ANKS1B: variants seen among roughly 807,000 people sequenced by gnomAD.
ANKS1B encodes ankyrin repeat and sterile alpha motif domain containing 1B, also known as ankyrin repeat and sterile alpha motif domain-containing protein 1B.
Under a neutral mutation model 148.3 loss-of-function variants are expected in ANKS1B, and 36 were observed. The ratio of observed to expected loss-of-function variants is 0.24; its 90% confidence interval spans 0.19 to 0.32. The LOEUF is 0.32. ANKS1B is among the 10% of genes least tolerant of loss of function. ANKS1B has a pLI of 1.00. For missense variants in ANKS1B, 1,157 were observed against 1,542.6 expected, an observed-to-expected ratio of 0.75 and a Z score of 4.19; for synonymous variants, 542 against 560.8, an observed-to-expected ratio of 0.97 and a Z score of 0.47.
At chr12:98,772,538 A>C (rs534474608) in intron 25 of ANKS1B, among the ~76,000 whole-genome samples, 1 of 152,230 alleles carries the variant, frequency 6.6e-6, no homozygotes, top group African/African-American at 2.4e-5. Context: ...CATGTCTTAC[A>C]TGGCGGCAGG....
intron 17 of ANKS1B, among the ~76,000 whole-genome samples, chr12:98,922,976 G>C (rs1263581176): frequency 6.6e-6 from 1 of 152,100 alleles, no homozygotes; most frequent in Non-Finnish European, 1.5e-5. Flanking sequence ...GAGGTGCTGT[G>C]GTTTGGATGT....
chr12:99,422,778 G>A (rs1244879678), intron 11 of ANKS1B, among the ~76,000 whole-genome samples: 4 of 152,068 alleles, frequency 2.6e-5, no homozygotes, highest in African/African-American at 9.7e-5. Flanking sequence ...ATTGACTTGA[G>A]TACATTAAAA....
At chr12:98,752,340 C>A (rs1356065474) in intron 25 of ANKS1B, among the ~76,000 whole-genome samples, 1 of 151,918 alleles carries the variant, frequency 6.6e-6, no homozygotes, top group Non-Finnish European at 1.5e-5. Flanking sequence ...CTCACTGCAA[C>A]CTCCACCTCC....
chr12:99,861,848 T>C lies in ANKS1B; in HGVS notation c.135-36459A>G, dbSNP rs76000086. 1.2e-4 allele frequency among the ~76,000 whole-genome samples: 18 copies of C among 152,030 alleles called. No individual in the cohort carries two copies. The East Asian group carries it at 3.3e-3, about 28-fold the overall frequency. ...CCTATTATGTATTCCAAAGCTGTTA[T>C]ACGAAAGTGAATGTTCTTTTCAAAA... On this transcript the variant is annotated intron_variant, in intron 1 of 26. Transcript: ENST00000683438.
intron 12 of ANKS1B, among the ~76,000 whole-genome samples, chr12:99,368,746 GAT>G (rs1430373001): frequency 2.6e-5 from 4 of 152,096 alleles, no homozygotes; most frequent in African/African-American, 9.7e-5. Context: ...TGAAGAGAGT[GAT>G]AGAGAGACAC....
intron 10 of ANKS1B, among the ~76,000 whole-genome samples, chr12:99,458,723 A>C (rs536267229): frequency 6.6e-6 from 1 of 152,078 alleles, no homozygotes; most frequent in South Asian, 2.1e-4. Context: ...AGAAATAGAA[A>C]CTCTGAACAG....
chr12:98,777,048 C>T (rs1447428650), intron 24 of ANKS1B, among the ~76,000 whole-genome samples: 2 of 152,116 alleles, frequency 1.3e-5, no homozygotes, highest in Non-Finnish European at 2.9e-5. Flanking sequence ...AAATAATTAG[C>T]CAGGCTTGGT....
At chr12:99,835,889 T>A (rs867060254) in intron 1 of ANKS1B, among the ~76,000 whole-genome samples, 6 of 152,212 alleles carry the variant, frequency 3.9e-5, no homozygotes, top group African/African-American at 1.4e-4. Flanking sequence ...CGTTTACCTA[T>A]GTAACAAAAC....
intron 7 of ANKS1B, among the ~76,000 whole-genome samples, chr12:99,774,689 A>G (rs923441797): frequency 3.3e-5 from 5 of 152,178 alleles, no homozygotes; most frequent in Non-Finnish European, 7.4e-5. Flanking sequence ...CCTTCTGTTC[A>G]TTGCAACATT....
At chr12:99,241,905 A>C (rs1008411774) in intron 14 of ANKS1B, among the ~76,000 whole-genome samples, 1 of 152,218 alleles carries the variant, frequency 6.6e-6, no homozygotes, top group Non-Finnish European at 1.5e-5. Context: ...ATCTCAAAAT[A>C]ATAAGAGCTA....
rs559131808 is a variant in ANKS1B at position 99,280,961 on chromosome 12, G to A, written c.1757-34097C>T. 1.5e-4 allele frequency among the ~76,000 whole-genome samples: 23 copies of A among 148,392 alleles called. No homozygotes were observed. The East Asian group carries it at 3.4e-3, about 22-fold the overall frequency. On this transcript the variant is annotated intron_variant, in intron 12 of 26. Transcript: ENST00000683438. Reference sequence around the variant, plus strand: ...CACACACACACTCTCTCTCTCTCTCGCTATTGGTTCTGTTTCTCTGGAGAC... The same window carrying A: ...CACACACACACTCTCTCTCTCTCTCACTATTGGTTCTGTTTCTCTGGAGAC...
At chr12:98,981,299 G>A (rs1475899779) in intron 17 of ANKS1B, among the ~76,000 whole-genome samples, 2 of 151,278 alleles carry the variant, frequency 1.3e-5, no homozygotes, top group South Asian at 2.1e-4. Flanking sequence ...CACTATGCCC[G>A]GCTATTGTTC....
chr12:98,844,280 G>C (rs1041600579), intron 17 of ANKS1B, among the ~76,000 whole-genome samples: 1 of 152,180 alleles, frequency 6.6e-6, no homozygotes. Context: ...GATTAAATGA[G>C]ACATATGCAA....
intron 12 of ANKS1B, among the ~76,000 whole-genome samples, chr12:99,309,237 T>C (rs527707820): frequency 6.0e-4 from 92 of 152,118 alleles, no homozygotes; most frequent in African/African-American, 2.0e-3. Flanking sequence ...ATGTTTTAGA[T>C]AGATAATTTT....
intron 9 of ANKS1B, among the ~76,000 whole-genome samples, chr12:99,572,597 C>T (rs1173436938): frequency 1.3e-5 from 2 of 151,982 alleles, no homozygotes; most frequent in African/African-American, 2.4e-5. Flanking sequence ...ATTTTAAGTC[C>T]TGCATTTTAG....
intron 12 of ANKS1B, among the ~76,000 whole-genome samples, chr12:99,371,527 A>G (rs932723581): frequency 1.3e-5 from 2 of 151,956 alleles, no homozygotes; most frequent in African/African-American, 4.8e-5. Context: ...GTATGTGTCA[A>G]CTTGTCTAGG....
chr12:99,778,047 G>A (rs1167317328), intron 6 of ANKS1B, among the ~76,000 whole-genome samples: 4 of 151,616 alleles, frequency 2.6e-5, no homozygotes, highest in African/African-American at 9.7e-5. Context: ...AAATACCAAA[G>A]AAATTAGCTG....
intron 17 of ANKS1B, among the ~76,000 whole-genome samples, chr12:98,904,680 T>C (rs1304359226): frequency 1.3e-5 from 2 of 152,088 alleles, no homozygotes; most frequent in Non-Finnish European, 2.9e-5. Context: ...GCAGCAGAGT[T>C]TGCCTGAGCC....
chr12:98,826,947 T>C (rs185301761), intron 19 of ANKS1B, among the ~76,000 whole-genome samples: 1 of 152,186 alleles, frequency 6.6e-6, no homozygotes, highest in East Asian at 1.9e-4. Context: ...TTTCAAAAAG[T>C]ATTACAGCAA....
Sources: gnomAD v4.1 joint callset for allele counts (sites outside exome capture counted in the v4.1 genomes callset) on GRCh38, gnomAD v4.1.1 for gene constraint, MANE v1.5 for transcripts, NCBI Gene and HGNC (gene_info 2026-07-23, HGNC 2026-07-21) for gene names.